The following RAPGEF6 variants were observed in gnomAD, a reference collection of about 807,000 sequenced individuals.
RAPGEF6 encodes PDZ domain containing guanine nucleotide exchange factor (GEF) 2.
In RAPGEF6, 56 loss-of-function variants were observed where a neutral mutation model predicts 171.4. The ratio of observed to expected loss-of-function variants is 0.33; its 90% CI spans 0.26 to 0.41. The LOEUF (loss-of-function observed/expected upper bound fraction) is 0.41. RAPGEF6 is among the 10% of genes least tolerant of loss of function. The probability of loss-of-function intolerance (pLI) is 1.00; values close to 1 mark genes in which losing one functional copy is unlikely to be tolerated. For missense variants in RAPGEF6, 1,674 were observed against 1,921.4 expected, an observed-to-expected ratio of 0.87 and a Z score of 2.41; for synonymous variants, 692 against 650.1, an observed-to-expected ratio of 1.06 and a Z score of -0.98.
Position 131,529,902 on chromosome 5 carries a change from T to C in RAPGEF6, c.496-8381A>G, listed in dbSNP as rs1013976443. The stretch of plus-strand genomic sequence containing the variant: ...AACAGAGCAGGGCCTTGTCTCCCTC[T>C]TTTTTTTTTTTTTTTTTTTTTTGAG... On this transcript the variant is annotated intron_variant, in intron 6 of 27. Transcript: ENST00000509018. 1.6e-3 allele frequency among the ~76,000 whole-genome samples: 201 copies of C among 125,958 alleles called. 1 individual carries two copies. The highest frequency in any genetic ancestry group is 0.013 in the Admixed American group (163 of 12,980). The allele number at this position is 125,958 out of a possible 152,430, so 82.6% of individuals were successfully genotyped here. A position where few individuals can be genotyped will look rare whatever the true frequency, so the allele number is the denominator to read the frequency against.
chr5:131,479,586 A>C lies in RAPGEF6; in HGVS notation c.2008T>G (p.Ser670Ala), dbSNP rs745849447. ...GSKKVKANTV[S>A]GGRNKIRKIL... ...TTCCTGATTTTGTTTCTTCCACCTG[A>C]AACAGTATTTGCTTTAACTTTCTTA... The change falls in exon 16 of 28, where the codon TCA becomes GCA. Residue 670 changes from serine (S) to alanine (A), a missense_variant. Transcript: ENST00000509018. 4 of 1,613,990 alleles carry C rather than the reference A, an allele frequency of 2.5e-6. No homozygotes were observed. The highest frequency in any genetic ancestry group is 1.7e-4 in the Middle Eastern group (1 of 6,058).
In RAPGEF6 at chr5:131,479,590, A is replaced by G; in HGVS notation, c.2004T>C (p.Thr668=). Residue 668 remains threonine (T), a synonymous_variant, in exon 16 of 28, where the codon ACT becomes ACC. Coordinates refer to ENST00000509018, the MANE Select transcript of RAPGEF6 (RefSeq NM_016340.6). The part of the protein sequence containing the change: ...EKGSKKVKAN[T]VSGGRNKIRK... Reference sequence around the variant, plus strand: ...TGATTTTGTTTCTTCCACCTGAAACAGTATTTGCTTTAACTTTCTTACTTC... The same window carrying G: ...TGATTTTGTTTCTTCCACCTGAAACGGTATTTGCTTTAACTTTCTTACTTC... 2.5e-6 allele frequency: 4 copies of G among 1,614,002 alleles called. No homozygotes were observed. The highest frequency in any genetic ancestry group is 3.4e-6 in the Non-Finnish European group (4 of 1,179,946).
chr5:131,496,154 C>A (rs1756624724), intron 12 of RAPGEF6, among the ~76,000 whole-genome samples: 1 of 152,126 alleles, frequency 6.6e-6, no homozygotes, highest in South Asian at 2.1e-4. Flanking sequence ...CCAGCCTGGG[C>A]ATAGCAAAAC....
intron 1 of RAPGEF6, among the ~76,000 whole-genome samples, chr5:131,609,399 G>T (rs1764809200): frequency 6.6e-6 from 1 of 152,146 alleles, no homozygotes; most frequent in East Asian, 1.9e-4. Context: ...ACACAGGATG[G>T]AGACATGGGA....
At chr5:131,503,792 T>C (rs1757175403) in intron 11 of RAPGEF6, among the ~76,000 whole-genome samples, 1 of 152,196 alleles carries the variant, frequency 6.6e-6, no homozygotes, top group African/African-American at 2.4e-5. Flanking sequence ...GAAAACAGTA[T>C]GGGGGTTAAT....
intron 5 of RAPGEF6, among the ~76,000 whole-genome samples, chr5:131,549,544 A>G (rs1760777102): frequency 6.6e-6 from 1 of 152,184 alleles, no homozygotes. Flanking sequence ...AATATACTGC[A>G]ATAAAAGTTA....
At chr5:131,619,071 T>C (rs922660647) in intron 1 of RAPGEF6, among the ~76,000 whole-genome samples, 1 of 151,522 alleles carries the variant, frequency 6.6e-6, no homozygotes, top group African/African-American at 2.4e-5. Context: ...AGGACTGTTC[T>C]AGATTAAAGG....
At chr5:131,478,741 C>T (rs1316316310) in intron 16 of RAPGEF6, among the ~76,000 whole-genome samples, 1 of 152,162 alleles carries the variant, frequency 6.6e-6, no homozygotes, top group African/African-American at 2.4e-5. Context: ...TAAGGACCAT[C>T]CCTTTTTGTT....
chr5:131,495,070 G>A lies in RAPGEF6; in HGVS notation c.1527+483C>T, dbSNP rs575777439. On this transcript the variant is annotated intron_variant, in intron 13 of 27. Transcript: ENST00000509018. ...AGCACTCTGGAAGGCCGAGGCGGGCGGATCACGAGGTCAGGAGTTTGAGAC... is the reference window on the plus strand; with the variant it reads ...AGCACTCTGGAAGGCCGAGGCGGGCAGATCACGAGGTCAGGAGTTTGAGAC... Among the ~76,000 whole-genome samples the A allele has an allele frequency of 1.6e-3, 244 of 152,196 alleles. 1 individual carries two copies. Among genetic ancestry groups the A allele is most frequent in the African/African-American group, 5.6e-3 (234 of 41,542 alleles).
intron 4 of RAPGEF6, among the ~76,000 whole-genome samples, chr5:131,568,384 G>GA (rs1762076781): frequency 6.6e-6 from 1 of 151,426 alleles, no homozygotes; most frequent in Admixed American, 6.6e-5. Context: ...GAGTTGGAGT[G>GA]AAGTGGCATG....
rs149175407 is a variant in RAPGEF6, at chr5:131,553,434, A to C, written c.352-5244T>G. On this transcript the variant is annotated intron_variant, in intron 5 of 27. Coordinates refer to ENST00000509018, the MANE Select transcript of RAPGEF6 (RefSeq NM_016340.6). ...AAAGGTAAAACAAAACAAAAAACAAAAACCAAGAGACAAAGCAATCAACAG... is the reference window on the plus strand; with the variant it reads ...AAAGGTAAAACAAAACAAAAAACAACAACCAAGAGACAAAGCAATCAACAG... Among the ~76,000 whole-genome samples, 88 of 152,314 alleles carry C rather than the reference A, an allele frequency of 5.8e-4. 1 individual carries two copies. The highest frequency in any genetic ancestry group is 2.0e-3 in the African/African-American group (85 of 41,564).
chr5:131,582,896 A>T (rs185288684), intron 4 of RAPGEF6, among the ~76,000 whole-genome samples: 1 of 152,370 alleles, frequency 6.6e-6, no homozygotes, highest in African/African-American at 2.4e-5. Flanking sequence ...TAAAGGTTAA[A>T]CATGCATCGA....
At chr5:131,487,166 T>C (rs1254908796) in intron 15 of RAPGEF6, among the ~76,000 whole-genome samples, 1 of 152,196 alleles carries the variant, frequency 6.6e-6, no homozygotes, top group Non-Finnish European at 1.5e-5. Flanking sequence ...CCGGAGTTTC[T>C]TCCTTCCGGT....
At chr5:131,581,829 C>T (rs1428986125) in intron 4 of RAPGEF6, among the ~76,000 whole-genome samples, 5 of 152,150 alleles carry the variant, frequency 3.3e-5, no homozygotes, top group Admixed American at 3.3e-4. Context: ...ACATTCCTCC[C>T]TGCCCTTGTG....
In RAPGEF6 at chr5:131,573,218, C is replaced by T. The variant is rs146625661; in HGVS notation, c.282-11171G>A. On this transcript the variant is annotated intron_variant, in intron 4 of 27. Coordinates refer to ENST00000509018, the MANE Select transcript of RAPGEF6 (RefSeq NM_016340.6). ...CCCCCACTCTATAACCCTTCCATTA[C>T]CTCCCCTCCTCACACCTGGTCTGGC... 4.2e-3 allele frequency among the ~76,000 whole-genome samples: 642 copies of T among 152,242 alleles called. 3 individuals carry two copies. Among genetic ancestry groups the T allele is most frequent in the Middle Eastern group, 0.02 (6 of 294 alleles).
At chr5:131,523,279 C>CTTTTTTTTTTTTTTTTTTT (rs1171953953) in intron 6 of RAPGEF6, among the ~76,000 whole-genome samples, 3 of 66,648 alleles carry the variant, frequency 4.5e-5, no homozygotes, top group African/African-American at 1.4e-4. Flanking sequence ...CTGTTGTATG[C>CTTTTTTTTTTTTTTTTTTT]TTTTTTTTTT....
At chr5:131,560,225 AC>A (rs1408348852) in intron 5 of RAPGEF6, among the ~76,000 whole-genome samples, 1 of 152,146 alleles carries the variant, frequency 6.6e-6, no homozygotes, top group Non-Finnish European at 1.5e-5. Context: ...ATGCTTCTTG[AC>A]CCCAAAATAT....
At chr5:131,547,556 C>T (rs1168132969) in intron 6 of RAPGEF6, among the ~76,000 whole-genome samples, 1 of 148,872 alleles carries the variant, frequency 6.7e-6, no homozygotes, top group Non-Finnish European at 1.5e-5. Flanking sequence ...GTCGACCAGG[C>T]TGGAATGCAG....
chr5:131,487,788 A>G (rs1251191425), intron 15 of RAPGEF6, among the ~76,000 whole-genome samples: 6 of 152,182 alleles, frequency 3.9e-5, no homozygotes, highest in Admixed American at 2.6e-4. Context: ...AGGTGTCCTC[A>G]CTGTAAGTTT....
Sources: gnomAD v4.1 joint callset for allele counts (sites outside exome capture counted in the v4.1 genomes callset) on GRCh38, gnomAD v4.1.1 for gene constraint, MANE v1.5 for transcripts, NCBI Gene and HGNC (gene_info 2026-07-23, HGNC 2026-07-21) for gene names.